DIS3L2: variants seen among roughly 807,000 people sequenced by gnomAD.
DIS3L2 encodes the protein DIS3 like 3'-5' exoribonuclease 2.
Under a neutral mutation model 97.5 loss-of-function variants are expected in DIS3L2, and 34 were observed. That is an observed-to-expected ratio of 0.35 (90% CI 0.27 to 0.46). The LOEUF is 0.46. Among genes scored for constraint, DIS3L2 ranks in the 20% least tolerant of loss-of-function variants. The probability of loss-of-function intolerance (pLI) is 1.00; values close to 1 mark genes in which losing one functional copy is unlikely to be tolerated. For synonymous variants in DIS3L2, 435 were observed against 445.2 expected, an observed-to-expected ratio of 0.98 and a Z score of 0.29; for missense variants, 1,038 against 1,146.0, an observed-to-expected ratio of 0.91 and a Z score of 1.36.
chr2:232,131,651 T>G (rs1035484820), intron 7 of DIS3L2: 1 of 152,080 alleles, frequency 6.6e-6, no homozygotes, highest in East Asian at 1.9e-4. Flanking sequence ...ACGTATAAAG[T>G]GGCATAATGG....
At chr2:232,011,568 G>A (rs1322793182) in intron 1 of DIS3L2, among the ~76,000 whole-genome samples, 1 of 152,108 alleles carries the variant, frequency 6.6e-6, no homozygotes, top group African/African-American at 2.4e-5. Flanking sequence ...GGTCAGGCTG[G>A]TCTCGAACTC....
At chr2:232,031,744 A>G (rs1694810739) in intron 5 of DIS3L2, among the ~76,000 whole-genome samples, 1 of 152,058 alleles carries the variant, frequency 6.6e-6, no homozygotes, top group South Asian at 2.1e-4. Context: ...GAGTGAGAAC[A>G]TGTGGTGTCT....
At chr2:232,331,447 A>G (rs1383278018) in intron 16 of DIS3L2, among the ~76,000 whole-genome samples, 2 of 152,340 alleles carry the variant, frequency 1.3e-5, no homozygotes, top group Admixed American at 1.3e-4. Context: ...GTCACTCGGC[A>G]GATTCAATCT....
At chr2:232,193,667 A>T (rs1691674779) in intron 9 of DIS3L2, among the ~76,000 whole-genome samples, 1 of 152,192 alleles carries the variant, frequency 6.6e-6, no homozygotes, top group South Asian at 2.1e-4. Context: ...AATCCAAAGG[A>T]CTTTGGTTCT....
Position 232,325,200 on chromosome 2 carries a change from T to G in DIS3L2, c.1740-4613T>G, listed in dbSNP as rs974669890. Among the ~76,000 whole-genome samples, 1 of 152,244 alleles carries G rather than the reference T, an allele frequency of 6.6e-6. No individual in the cohort carries two copies. Among genetic ancestry groups the G allele is most frequent in the African/African-American group, 2.4e-5 (1 of 41,472 alleles). ...AGATGCGACAGAAACAGGTCCCACCTGAGCCAGCAGGAATGCGGCACCCAG... is the reference window on the plus strand; with the variant it reads ...AGATGCGACAGAAACAGGTCCCACCGGAGCCAGCAGGAATGCGGCACCCAG... On this transcript the variant is annotated intron_variant, in intron 14 of 20. Transcript: ENST00000325385. This position sits in a 1 kb window ranked among gnomAD's most constrained non-coding sequence, Gnocchi z 4.6.
intron 9 of DIS3L2, among the ~76,000 whole-genome samples, chr2:232,167,813 G>A (rs559644736): frequency 3.9e-5 from 6 of 152,286 alleles, no homozygotes; most frequent in South Asian, 2.1e-4. Context: ...ACTTTGGGAG[G>A]CCAAGGTGGA....
rs1692861842 is a variant in DIS3L2, at chr2:231,970,273, A to C, written c.-94+8508A>C. Among the ~76,000 whole-genome samples, 5 of 152,156 alleles carry C rather than the reference A, an allele frequency of 3.3e-5. No homozygotes were observed. In the South Asian group the frequency reaches 8.3e-4, roughly 25 times the overall value. On this transcript the variant is annotated intron_variant, in intron 1 of 20. Coordinates refer to ENST00000325385, the MANE Select transcript of DIS3L2 (RefSeq NM_152383.5). ...ACTTTTCATTTGTTAATATGGTGAA[A>C]TATCGCATCGATTTTCAAATACAGC...
intron 9 of DIS3L2, chr2:232,172,763 T>A (rs1447154906): frequency 3.7e-6 from 2 of 534,576 alleles, no homozygotes; most frequent in African/African-American, 3.8e-5. Flanking sequence ...AGGGTCTCAG[T>A]TGCTCCATAT....
chr2:232,224,809 G>C lies in DIS3L2; in HGVS notation c.1205-13724G>C, dbSNP rs547532965. ...GTTGAGATTGCACCACTGCATTCCAGCCTGGGCAACTGAGTGAGACTCTGT... is the reference window on the plus strand; with the variant it reads ...GTTGAGATTGCACCACTGCATTCCACCCTGGGCAACTGAGTGAGACTCTGT... On this transcript the variant is annotated intron_variant, in intron 10 of 20. Coordinates refer to ENST00000325385, the MANE Select transcript of DIS3L2 (RefSeq NM_152383.5). 2.8e-3 allele frequency among the ~76,000 whole-genome samples: 423 copies of C among 149,636 alleles called. 1 individual carries two copies. Among genetic ancestry groups the C allele is most frequent in the Non-Finnish European group, 4.7e-3 (315 of 67,700 alleles).
rs746549250 is a variant in DIS3L2, at chr2:232,334,358, C to A, written c.2159-11C>A. On this transcript the variant is annotated splice_polypyrimidine_tract_variant and intron_variant, in intron 17 of 20. Transcript: ENST00000325385. ...AGGCTCCCACTCTCATGCCTCACCCCCTCTTCCCAGGCTATAGGGAGCGAC... is the reference window on the plus strand; with the variant it reads ...AGGCTCCCACTCTCATGCCTCACCCACTCTTCCCAGGCTATAGGGAGCGAC... The A allele has an allele frequency of 6.2e-7, 1 of 1,612,932 alleles. No homozygotes were observed. Among genetic ancestry groups the A allele is most frequent in the Non-Finnish European group, 8.5e-7 (1 of 1,179,786 alleles).
intron 1 of DIS3L2, among the ~76,000 whole-genome samples, chr2:232,013,174 C>T (rs899346359): frequency 3.3e-5 from 5 of 152,272 alleles, no homozygotes; most frequent in African/African-American, 9.6e-5. Context: ...AACTCAAGTT[C>T]GGGTCTTCCT....
intron 5 of DIS3L2, among the ~76,000 whole-genome samples, chr2:232,085,481 C>A (rs1696547845): frequency 6.6e-6 from 1 of 152,170 alleles, no homozygotes; most frequent in Non-Finnish European, 1.5e-5. Flanking sequence ...GGAATGTTTA[C>A]AAGTAGTGAT....
intron 1 of DIS3L2, among the ~76,000 whole-genome samples, chr2:231,998,367 C>A (rs984588580): frequency 1.3e-5 from 2 of 152,166 alleles, no homozygotes; most frequent in East Asian, 1.9e-4. Context: ...TATGGTTGAG[C>A]CTTCATGGCC....
intron 5 of DIS3L2, among the ~76,000 whole-genome samples, chr2:232,038,868 A>G (rs941591067): frequency 6.6e-6 from 1 of 152,172 alleles, no homozygotes; most frequent in Admixed American, 6.5e-5. Context: ...ACTGAATACA[A>G]CAAAGTTGTG....
chr2:232,143,315 T>C (rs143403069), intron 8 of DIS3L2, among the ~76,000 whole-genome samples: 454 of 152,258 alleles, frequency 3.0e-3, no homozygotes, highest in African/African-American at 9.9e-3. Flanking sequence ...GGGAATATTG[T>C]TGCAGTGCCA....
At chr2:232,052,365 G>T (rs745404082) in intron 5 of DIS3L2, among the ~76,000 whole-genome samples, 5 of 152,178 alleles carry the variant, frequency 3.3e-5, no homozygotes, top group Non-Finnish European at 7.4e-5. Flanking sequence ...AAATAAACTT[G>T]ATTGTAGATT....
At chr2:232,058,786 G>C (rs541404423) in intron 5 of DIS3L2, among the ~76,000 whole-genome samples, 1 of 152,132 alleles carries the variant, frequency 6.6e-6, no homozygotes, top group Non-Finnish European at 1.5e-5. Flanking sequence ...GTCATTGATC[G>C]TGAAGAATCC....
Position 231,970,703 on chromosome 2 carries a change from C to T in DIS3L2, c.-94+8938C>T, listed in dbSNP as rs571874401. On this transcript the variant is annotated intron_variant, in intron 1 of 20. Transcript: ENST00000325385. ...CGAGGACATTACTGTGCACTACTGT[C>T]GACTTTACAAACACAGTACACTTAA... Among the ~76,000 whole-genome samples, 4 of 152,156 alleles carry T rather than the reference C, an allele frequency of 2.6e-5. No homozygotes were observed. The South Asian group carries it at 6.2e-4, about 24-fold the overall frequency.
chr2:232,237,843 T>C (rs1692976211), intron 10 of DIS3L2, among the ~76,000 whole-genome samples: 1 of 151,956 alleles, frequency 6.6e-6, no homozygotes, highest in Admixed American at 6.6e-5. Context: ...ATCCCAAGCA[T>C]AGGAAAAAGT....
Sources: allele counts gnomAD v4.1 joint callset (sites outside exome capture counted in the v4.1 genomes callset), GRCh38; gene constraint gnomAD v4.1.1; non-coding constraint Gnocchi (gnomAD v3.1); transcripts MANE v1.5; gene names NCBI Gene and HGNC (gene_info 2026-07-23, HGNC 2026-07-21).